The following PLEKHA8 variants were observed in gnomAD, a reference collection of about 807,000 sequenced individuals.
PLEKHA8 encodes the protein pleckstrin homology domain containing A8.
In PLEKHA8, 36 loss-of-function variants were observed where a neutral mutation model predicts 68.2. That is an observed-to-expected ratio of 0.53 (90% CI 0.40 to 0.70). PLEKHA8 has a LOEUF of 0.70. Ranked by LOEUF, PLEKHA8 falls within the 30% of genes least tolerant of loss-of-function variation. The pLI is 0.00. For synonymous variants in PLEKHA8, 211 were observed against 216.1 expected (o/e 0.98, Z 0.20); for missense variants, 505 against 615.4 (o/e 0.82, Z 1.90).
intron 13 of PLEKHA8, among the ~76,000 whole-genome samples, chr7:30,125,504 C>A (rs1368790169): frequency 6.6e-6 from 1 of 152,120 alleles, no homozygotes; most frequent in African/African-American, 2.4e-5. Flanking sequence ...TTATTTTTAC[C>A]CTCAAGGAAA....
intron 13 of PLEKHA8, among the ~76,000 whole-genome samples, chr7:30,097,401 A>G (rs377353684): frequency 3.3e-5 from 5 of 152,260 alleles, no homozygotes; most frequent in South Asian, 4.2e-4. Context: ...AAGTTCTCCT[A>G]GATAATATCC....
intron 13 of PLEKHA8, among the ~76,000 whole-genome samples, chr7:30,120,325 C>T (rs1279111547): frequency 6.6e-6 from 1 of 152,004 alleles, no homozygotes; most frequent in Non-Finnish European, 1.5e-5. Flanking sequence ...CATTTAAGGA[C>T]AAAAAAGGGA....
rs562753233 is a variant in PLEKHA8, at chr7:30,127,186, G to A, written c.1363-2080G>A. On this transcript the variant is annotated intron_variant, in intron 13 of 13. Transcript: ENST00000396257. Reference sequence around the variant, plus strand: ...ATGCTTATTTTATCAGAAGTAACCAGCCACTTTTCAGAAGCTAAAGTTGAC... The same window carrying A: ...ATGCTTATTTTATCAGAAGTAACCAACCACTTTTCAGAAGCTAAAGTTGAC... Among the ~76,000 whole-genome samples the A allele has an allele frequency of 1.8e-3, 280 of 152,300 alleles. 2 individuals carry two copies. Among genetic ancestry groups the A allele is most frequent in the Non-Finnish European group, 2.5e-3 (168 of 68,024 alleles).
chr7:30,112,979 A>G (rs2128018430), intron 13 of PLEKHA8, among the ~76,000 whole-genome samples: 1 of 152,190 alleles, frequency 6.6e-6, no homozygotes, highest in South Asian at 2.1e-4. Context: ...TTCTCCTAAA[A>G]TATACAAATA....
intron 13 of PLEKHA8, chr7:30,117,880 C>A: frequency 1.2e-6 from 1 of 865,268 alleles, no homozygotes; most frequent in Non-Finnish European, 1.8e-6. Context: ...CACAACTCTA[C>A]TTCCTGTAGA....
chr7:30,046,234 T>C lies in PLEKHA8; in HGVS notation c.182T>C (p.Met61Thr). ...GTTCATTCTGTAGATAATACACGCA[T>C]GGACCTGATAATCCCTGGGGAACAG... ...IQVHSVDNTR[M>T]DLIIPGEQYF... The change falls in exon 3 of 14, where the codon ATG becomes ACG. Residue 61 changes from methionine (M) to threonine (T), a missense_variant. Met to Thr is a moderately conservative substitution (Grantham distance 81). Transcript: ENST00000449726. 6.2e-7 allele frequency: 1 copy of C among 1,612,478 alleles called. No individual in the cohort carries two copies. The highest frequency in any genetic ancestry group is 1.1e-5 in the South Asian group (1 of 90,842).
intron 13 of PLEKHA8, among the ~76,000 whole-genome samples, chr7:30,105,695 G>A (rs1476475985): frequency 6.6e-6 from 1 of 152,166 alleles, no homozygotes; most frequent in Non-Finnish European, 1.5e-5. Flanking sequence ...GGGTAGGCAG[G>A]GGCTGGTGAG....
intron 13 of PLEKHA8, among the ~76,000 whole-genome samples, chr7:30,107,919 A>T (rs1178306708): frequency 6.6e-6 from 1 of 152,042 alleles, no homozygotes; most frequent in Non-Finnish European, 1.5e-5. Context: ...AGATACAGAA[A>T]TTAGCTGGGT....
At chr7:30,100,932 G>A (rs921962049) in intron 13 of PLEKHA8, among the ~76,000 whole-genome samples, 4 of 152,196 alleles carry the variant, frequency 2.6e-5, no homozygotes, top group Non-Finnish European at 4.4e-5. Context: ...GCTCATGCCT[G>A]TAATCCAAAC....
Position 30,046,385 on chromosome 7 carries a change from T to A in PLEKHA8, c.313+20T>A. 1 of 1,559,392 alleles carries A rather than the reference T, an allele frequency of 6.4e-7. No homozygotes were observed. Among genetic ancestry groups the A allele is most frequent in the Non-Finnish European group, 8.7e-7 (1 of 1,154,470 alleles). On this transcript the variant is annotated intron_variant, in intron 3 of 13. Transcript: ENST00000449726. ...AGAAAGGCAAGTACTGATTGTCCTT[T>A]GCTGTGGAAACCTTGGGAATCACCC...
At chr7:30,042,971 T>C (rs1791655369) in intron 1 of PLEKHA8, among the ~76,000 whole-genome samples, 3 of 152,192 alleles carry the variant, frequency 2.0e-5, no homozygotes. Flanking sequence ...TGAGTTTTTG[T>C]AGAACTTGAA....
At chr7:30,121,136 C>T (rs760753288) in intron 13 of PLEKHA8, among the ~76,000 whole-genome samples, 30 of 151,874 alleles carry the variant, frequency 2.0e-4, no homozygotes, top group East Asian at 3.9e-4. Flanking sequence ...CAGGGTTCCA[C>T]GTGAAAAAAT....
chr7:30,076,886 A>G (rs1794641173), intron 13 of PLEKHA8, among the ~76,000 whole-genome samples: 2 of 152,204 alleles, frequency 1.3e-5, no homozygotes, highest in Non-Finnish European at 2.9e-5. Flanking sequence ...GTTTACATCC[A>G]AGGAATTTGA....
At chr7:30,060,367 G>A (rs933122089) in intron 9 of PLEKHA8, among the ~76,000 whole-genome samples, 3 of 152,096 alleles carry the variant, frequency 2.0e-5, no homozygotes, top group African/African-American at 7.2e-5. Context: ...GAACCTGGGA[G>A]GTGGAGGTTG....
At chr7:30,034,014 T>TG in intron 1 of PLEKHA8, among the ~76,000 whole-genome samples, 4 of 80,532 alleles carry the variant, frequency 5.0e-5, no homozygotes, top group African/African-American at 2.0e-4. Flanking sequence ...AGGTTTCTTT[T>TG]TTTTTTTTTT....
Position 30,113,633 on chromosome 7 carries a change from A to G in PLEKHA8, c.1363-15633A>G, listed in dbSNP as rs141331296. On this transcript the variant is annotated intron_variant, in intron 13 of 13. Coordinates refer to the PLEKHA8 transcript ENST00000396257. ...CAATTCTAGTAGAGTCTATGTTATT[A>G]TCTCTTTGAATACTACCACCTCACT... Among the ~76,000 whole-genome samples the G allele has an allele frequency of 1.8e-4, 28 of 152,200 alleles. No homozygotes were observed. In the East Asian group the frequency reaches 3.5e-3, roughly 19 times the overall value.
exon 14 of PLEKHA8, chr7:30,129,359 C>T (rs1796835518): frequency 1.9e-6 from 3 of 1,610,408 alleles, no homozygotes; most frequent in Non-Finnish European, 2.5e-6. Flanking sequence ...GACGGTAAAG[C>T]AGAAAGAAGA....
At chr7:30,117,038 C>T (rs540460747) in intron 13 of PLEKHA8, among the ~76,000 whole-genome samples, 6 of 152,276 alleles carry the variant, frequency 3.9e-5, no homozygotes, top group South Asian at 4.1e-4. Flanking sequence ...ACCGCCTTTC[C>T]GTCTGCCTTC....
At position 30,078,793 on chromosome 7, in the gene PLEKHA8, G is replaced by A; in HGVS notation, c.*6G>A. On this transcript the variant is annotated 3_prime_UTR_variant, in exon 14 of 14. Coordinates refer to ENST00000449726, the MANE Select transcript of PLEKHA8 (RefSeq NM_001197026.2). ...AATCTGATGAGGTGGTATGATGGCT[G>A]CTGGGCAGCACCTCCTAACTTCAGG... is the stretch of plus-strand genomic sequence containing the variant. 2 of 1,612,278 alleles carry A rather than the reference G, an allele frequency of 1.2e-6. No homozygotes were observed. The highest frequency in any genetic ancestry group is 1.7e-6 in the Non-Finnish European group (2 of 1,178,954).
Sources: gnomAD v4.1 joint callset for allele counts (sites outside exome capture counted in the v4.1 genomes callset) on GRCh38, gnomAD v4.1.1 for gene constraint, MANE v1.5 for transcripts, NCBI Gene and HGNC (gene_info 2026-07-23, HGNC 2026-07-21) for gene names.